The following VPS54 variants were observed in gnomAD, a reference collection of about 807,000 sequenced individuals.
VPS54 encodes the protein VPS54 subunit of GARP complex, also known as vacuolar protein sorting-associated protein 54.
A neutral mutation model predicts 121.5 loss-of-function variants in VPS54; 45 were observed. That is an observed-to-expected ratio of 0.37 (90% CI 0.29 to 0.47). VPS54 has a LOEUF of 0.47. Among genes scored for constraint, VPS54 ranks in the 20% least tolerant of loss-of-function variants. The pLI, the probability that VPS54 is intolerant of heterozygous loss-of-function variation, is 0.99. For missense variants in VPS54, 1,090 were observed against 1,131.4 expected (o/e 0.96, Z 0.52); for synonymous variants, 371 against 385.8 (o/e 0.96, Z 0.45).
At chr2:63,947,595 A>G (rs1030648372) in intron 8 of VPS54, 105 bp from the exon 9 acceptor site, 13 of 973,934 alleles carry the variant, frequency 1.3e-5, no homozygotes, top group Non-Finnish European at 1.8e-5. Flanking sequence ...TCAGATCTCT[A>G]TCCTGCACAA....
intron 12 of VPS54, 148 bp from the exon 13 acceptor site, chr2:63,921,483 T>C (rs1362162283): frequency 6.6e-6 from 5 of 762,254 alleles, no homozygotes; most frequent in Middle Eastern, 3.8e-4. Context: ...ATAGTTTTTA[T>C]AGTGAAACAT....
At chr2:63,979,241 G>GTTT (rs768489534) in intron 3 of VPS54, among the ~76,000 whole-genome samples, 1 of 123,622 alleles carries the variant, frequency 8.1e-6, no homozygotes, top group African/African-American at 3.4e-5. Context: ...TTTTCTGTTT[G>GTTT]TTTTTTTTTT....
At chr2:63,990,585 C>T (rs1320575671) in intron 1 of VPS54, among the ~76,000 whole-genome samples, 1 of 152,156 alleles carries the variant, frequency 6.6e-6, no homozygotes, top group Non-Finnish European at 1.5e-5. Context: ...TCTGCTCCCT[C>T]AATGCCCCTT....
intron 11 of VPS54, among the ~76,000 whole-genome samples, chr2:63,938,026 G>C (rs1220010059): frequency 1.3e-5 from 2 of 148,590 alleles, no homozygotes; most frequent in Non-Finnish European, 3.0e-5. Flanking sequence ...GGGGATTGGG[G>C]AAAGTGGAAA....
chr2:63,907,932 G>C (rs1047590801), intron 20 of VPS54, among the ~76,000 whole-genome samples: 1 of 152,114 alleles, frequency 6.6e-6, no homozygotes, highest in Non-Finnish European at 1.5e-5. Context: ...AGAGCACCTG[G>C]AACTCTTCTA....
At chr2:63,984,049 A>G (rs374495144) in intron 1 of VPS54, 30 bp from the exon 2 acceptor site, 1,076 of 1,522,932 alleles carry the variant, frequency 7.1e-4, no homozygotes, top group Non-Finnish European at 8.8e-4. Context: ...ACTAATTAAG[A>G]CACCGCAAAT....
chr2:63,899,180 G>A (rs985907949), intron 21 of VPS54, among the ~76,000 whole-genome samples: 6 of 152,160 alleles, frequency 3.9e-5, no homozygotes, highest in Non-Finnish European at 7.4e-5. Flanking sequence ...CAAGAACAGC[G>A]TAATAAATGA....
intron 3 of VPS54, among the ~76,000 whole-genome samples, chr2:63,978,933 T>C (rs985214647): frequency 2.0e-5 from 3 of 152,164 alleles, no homozygotes; most frequent in African/African-American, 7.2e-5. Context: ...TTATCTATTT[T>C]TTCTCGAAAG....
At chr2:64,018,660 A>AGAGAGGGGC (rs1341580223) in intron 1 of VPS54, among the ~76,000 whole-genome samples, 3 of 151,752 alleles carry the variant, frequency 2.0e-5, no homozygotes, top group Admixed American at 2.0e-4. Flanking sequence ...CGGAAAGATA[A>AGAGAGGGGC]GAGAGGGGCA....
At chr2:63,924,079 GC>G (rs1196052015) in intron 12 of VPS54, among the ~76,000 whole-genome samples, 1 of 152,188 alleles carries the variant, frequency 6.6e-6, no homozygotes, top group Non-Finnish European at 1.5e-5. Flanking sequence ...ATTGGGGAAA[GC>G]CAGAGAAGGT....
intron 4 of VPS54, among the ~76,000 whole-genome samples, chr2:63,969,954 T>C (rs1676187631): frequency 6.6e-6 from 1 of 152,068 alleles, no homozygotes; most frequent in Non-Finnish European, 1.5e-5. Flanking sequence ...CTCAGACATC[T>C]TAAGGCTGAG....
intron 1 of VPS54, among the ~76,000 whole-genome samples, chr2:63,988,480 T>C (rs1040488982): frequency 1.3e-5 from 2 of 152,226 alleles, no homozygotes; most frequent in African/African-American, 4.8e-5. Flanking sequence ...ACCGAGGGAC[T>C]GGCTGAAGCC....
chr2:63,939,942 G>C (rs1300576409), intron 11 of VPS54, among the ~76,000 whole-genome samples: 1 of 152,094 alleles, frequency 6.6e-6, no homozygotes, highest in Non-Finnish European at 1.5e-5. Flanking sequence ...ATTTTTAGTA[G>C]AGACAGGGTT....
At chr2:64,015,264 T>A (rs553918896) in intron 1 of VPS54, among the ~76,000 whole-genome samples, 5 of 152,170 alleles carry the variant, frequency 3.3e-5, no homozygotes, top group Non-Finnish European at 5.9e-5. Context: ...AAAAAGGGGT[T>A]CTTTTTTCAG....
intron 1 of VPS54, among the ~76,000 whole-genome samples, chr2:63,986,156 T>C (rs1415173676): frequency 1.3e-5 from 2 of 152,240 alleles, no homozygotes; most frequent in African/African-American, 4.8e-5. Context: ...TTTTAAAATG[T>C]ACAATAAAAA....
chr2:63,977,329 G>A (rs957450601), intron 3 of VPS54, among the ~76,000 whole-genome samples: 1 of 152,098 alleles, frequency 6.6e-6, no homozygotes, highest in Non-Finnish European at 1.5e-5. Context: ...GTAGAAGCTT[G>A]GATTATTAAT....
chr2:63,899,453 G>T, intron 21 of VPS54, 21 bp downstream of exon 21: 1 of 1,602,378 alleles, frequency 6.2e-7, no homozygotes. Flanking sequence ...TACATGAATA[G>T]TTTTAGGAAT....
At position 63,919,934 on chromosome 2, in the gene VPS54, C is replaced by A; in HGVS notation, c.2113G>T (p.Val705Phe). 1 of 1,612,062 alleles carries A rather than the reference C, an allele frequency of 6.2e-7. No homozygotes were observed. The highest frequency in any genetic ancestry group is 8.5e-7 in the Non-Finnish European group (1 of 1,178,674). The change falls in exon 15 of 23, where the codon GTT becomes TTT. Residue 705 changes from valine to phenylalanine, a missense_variant. Physicochemically the swap from Val to Phe is conservative, Grantham distance 50. This residue lies in a region of VPS54 where 289 missense variants were observed against 374.4 expected (regional missense o/e 0.77). Transcript: ENST00000272322. ...ATCTTCCCATCTGACAGAGAATCAA[C>A]AAGATCCTGAAATTCTGCAGGAACA... ...ADVPAEFQDLVDSLSDGKIAL... is the reference protein window; with the variant it reads ...ADVPAEFQDLFDSLSDGKIAL...
intron 7 of VPS54, among the ~76,000 whole-genome samples, chr2:63,961,193 T>A (rs747339076): frequency 1.3e-5 from 2 of 152,240 alleles, no homozygotes. Flanking sequence ...ACTTGACATG[T>A]AATAGGTGCT....
Sources: allele counts gnomAD v4.1 joint callset (sites outside exome capture counted in the v4.1 genomes callset), GRCh38; gene constraint gnomAD v4.1.1; regional missense constraint gnomAD v4.1.1; transcripts MANE v1.5; gene names NCBI Gene and HGNC (gene_info 2026-07-23, HGNC 2026-07-21).